Variants in OSBPL9 observed in about 807,000 individuals in gnomAD.
OSBPL9 encodes the protein oxysterol-binding protein-related protein 9.
OSBPL9 carries 40 observed loss-of-function variants against 106.6 expected under a neutral mutation model. The ratio of observed to expected loss-of-function variants is 0.38; its 90% CI spans 0.29 to 0.49. The LOEUF (loss-of-function observed/expected upper bound fraction) is 0.49. Among genes scored for constraint, OSBPL9 ranks in the 20% least tolerant of loss-of-function variants. The pLI is 0.97. For synonymous variants in OSBPL9, 269 were observed against 295.4 expected (o/e 0.91, Z 0.92); for missense variants, 609 against 887.2 (o/e 0.69, Z 3.98).
intron 2 of OSBPL9, among the ~76,000 whole-genome samples, chr1:51,603,193 C>T (rs1645332388): frequency 6.6e-6 from 1 of 152,170 alleles, no homozygotes; most frequent in African/African-American, 2.4e-5. Flanking sequence ...GTTTGCAAAC[C>T]ATTTTCAAAT....
chr1:51,605,179 G>A (rs897590760), intron 2 of OSBPL9, among the ~76,000 whole-genome samples: 5 of 152,186 alleles, frequency 3.3e-5, no homozygotes, highest in Admixed American at 6.5e-5. Flanking sequence ...TCCTTAAAGC[G>A]TTTACAATCT....
chr1:51,726,461 G>A (rs796389570), intron 4 of OSBPL9, among the ~76,000 whole-genome samples: 3 of 151,796 alleles, frequency 2.0e-5, no homozygotes, highest in African/African-American at 7.3e-5. Flanking sequence ...ATCTGTGTCT[G>A]GGGTGACATT....
At chr1:51,639,404 C>T (rs909324846) in intron 1 of OSBPL9, among the ~76,000 whole-genome samples, 3 of 152,140 alleles carry the variant, frequency 2.0e-5, no homozygotes, top group Admixed American at 1.3e-4. Flanking sequence ...TACATTTATG[C>T]GTAAAGGAGA....
chr1:51,648,120 AG>A (rs1359568486), intron 1 of OSBPL9, among the ~76,000 whole-genome samples: 1 of 152,188 alleles, frequency 6.6e-6, no homozygotes, highest in African/African-American at 2.4e-5. Flanking sequence ...TGCTTGAAAA[AG>A]GACATTTGTT....
chr1:51,604,912 A>G (rs1243309584), intron 2 of OSBPL9, among the ~76,000 whole-genome samples: 1 of 152,100 alleles, frequency 6.6e-6, no homozygotes, highest in Non-Finnish European at 1.5e-5. Context: ...TCAGCCTCCC[A>G]AAGTGCTGGG....
chr1:51,784,732 G>C (rs2149159532), intron 20 of OSBPL9, 150 bp downstream of exon 20: 1 of 911,864 alleles, frequency 1.1e-6, no homozygotes, highest in African/African-American at 1.7e-5. Context: ...TTTTGCTGAA[G>C]TCCCATATCA....
intron 4 of OSBPL9, among the ~76,000 whole-genome samples, chr1:51,742,617 T>C (rs746927940): frequency 6.6e-6 from 1 of 152,002 alleles, no homozygotes; most frequent in Non-Finnish European, 1.5e-5. Flanking sequence ...ATGCCTATAG[T>C]CCCAGCTACT....
At chr1:51,711,314 G>A (rs1269439036) in intron 3 of OSBPL9, among the ~76,000 whole-genome samples, 1 of 149,256 alleles carries the variant, frequency 6.7e-6, no homozygotes, top group Non-Finnish European at 1.5e-5. Context: ...CTCCCGGACG[G>A]GGCGGCTGGC....
rs377640618 is a variant in OSBPL9 at position 51,708,602 on chromosome 1, T to C, written c.242-5401T>C. ...TTTTACAAATCTTAAAGCCTTTGTA[T>C]TTTAATTAGCACGTTTACTTCACTC... On this transcript the variant is annotated intron_variant, in intron 3 of 23. Transcript: ENST00000428468. Among the ~76,000 whole-genome samples the C allele has an allele frequency of 1.3e-4, 20 of 152,336 alleles. No homozygotes were observed. The East Asian group carries it at 1.3e-3, about 10-fold the overall frequency.
intron 3 of OSBPL9, among the ~76,000 whole-genome samples, chr1:51,688,388 A>G (rs1020835401): frequency 4.6e-5 from 7 of 152,140 alleles, no homozygotes; most frequent in Non-Finnish European, 5.9e-5. Flanking sequence ...TCTCAATACT[A>G]TGGGAGTTTG....
rs1248550470 is a variant in OSBPL9 at position 51,729,898 on chromosome 1, G to A, written c.319-15638G>A. ...ACCGCAGTCCGGGGATCGGGTCGAG[G>A]GGAGAAGAAAAAGGGGTGCTCGGGA... On this transcript the variant is annotated intron_variant, in intron 4 of 23. Transcript: ENST00000428468. The surrounding 1 kb of genome is among the most constrained non-coding windows in gnomAD (Gnocchi z 5.1). 8 of 1,273,918 alleles carry A rather than the reference G, an allele frequency of 6.3e-6. No homozygotes were observed. Among genetic ancestry groups the A allele is most frequent in the Non-Finnish European group, 8.0e-6 (8 of 1,002,380 alleles). 78.9% of individuals were successfully genotyped at this position (1,273,918 alleles called of 1,614,324 possible).
intron 3 of OSBPL9, among the ~76,000 whole-genome samples, chr1:51,673,405 A>G (rs1172274267): frequency 6.6e-6 from 1 of 152,218 alleles, no homozygotes; most frequent in Non-Finnish European, 1.5e-5. Flanking sequence ...AAATGGGAGC[A>G]AGGGAGCTTT....
At chr1:51,660,138 A>C (rs1002551548) in intron 2 of OSBPL9, among the ~76,000 whole-genome samples, 13 of 152,166 alleles carry the variant, frequency 8.5e-5, no homozygotes, top group African/African-American at 2.9e-4. Context: ...ATATGAAAAA[A>C]AGAAGATTAC....
the OSBPL9 span, among the ~76,000 whole-genome samples, chr1:51,560,333 T>C: frequency 1.1e-4 from 17 of 152,362 alleles, no homozygotes; most frequent in South Asian, 1.0e-3. Flanking sequence ...TACCATGCGT[T>C]AGCTGTGTGC....
chr1:51,589,730 G>A (rs1031875922), intron 1 of OSBPL9, among the ~76,000 whole-genome samples: 1 of 151,792 alleles, frequency 6.6e-6, no homozygotes, highest in Non-Finnish European at 1.5e-5. Flanking sequence ...TGAACAAGCA[G>A]GAGATAAGAG....
intron 8 of OSBPL9, among the ~76,000 whole-genome samples, chr1:51,755,460 A>G (rs948962421): frequency 1.3e-5 from 2 of 152,244 alleles, no homozygotes; most frequent in African/African-American, 4.8e-5. Context: ...ATGATGGCAG[A>G]AAAGTAATAT....
At chr1:51,533,279 C>T in the OSBPL9 span, among the ~76,000 whole-genome samples, 1,142 of 151,746 alleles carry the variant, frequency 7.5e-3, 14 homozygotes, top group African/African-American at 0.026. Flanking sequence ...CTCAGGAGTT[C>T]GAGACCAGCC....
chr1:51,698,885 A>G (rs561571283), intron 3 of OSBPL9, among the ~76,000 whole-genome samples: 23 of 152,118 alleles, frequency 1.5e-4, no homozygotes, highest in Non-Finnish European at 2.9e-4. Flanking sequence ...CATATGAACA[A>G]TTTGTTGTGA....
At chr1:51,581,690 C>T (rs1023870276) in intron 1 of OSBPL9, among the ~76,000 whole-genome samples, 4 of 152,184 alleles carry the variant, frequency 2.6e-5, no homozygotes, top group Non-Finnish European at 4.4e-5. Context: ...GGGTCTCACC[C>T]TGTCACCCAG....
Sources: allele counts gnomAD v4.1 joint callset (sites outside exome capture counted in the v4.1 genomes callset), GRCh38; gene constraint gnomAD v4.1.1; non-coding constraint Gnocchi (gnomAD v3.1); transcripts MANE v1.5; gene names NCBI Gene and HGNC (gene_info 2026-07-23, HGNC 2026-07-21).